Variants in C10orf105 observed in about 807,000 individuals in gnomAD.
C10orf105 encodes the protein uncharacterized protein C10orf105.
Under a neutral mutation model 0.6 loss-of-function variants are expected in C10orf105, and 2 were observed. The ratio of observed to expected loss-of-function variants is 3.18; its 90% CI spans 1.30 to 10.01. The LOEUF is 10.01. Ranked by LOEUF, C10orf105 falls within the 30% of genes most tolerant of loss-of-function variation. C10orf105 has a pLI of 0.04. For missense variants in C10orf105, 209 were observed against 191.4 expected, an observed-to-expected ratio of 1.09 and a Z score of -0.54; for synonymous variants, 95 against 82.4, an observed-to-expected ratio of 1.15 and a Z score of -0.83.
chr10:71,729,796 A>G (rs1839297502), intron 1 of C10orf105, among the ~76,000 whole-genome samples: 1 of 151,966 alleles, frequency 6.6e-6, no homozygotes, highest in Non-Finnish European at 1.5e-5. Context: ...TCTTCATAAC[A>G]ACCTTAGGAG....
chr10:71,713,460 C>A lies in C10orf105; in HGVS notation c.*2476G>T. On this transcript the variant is annotated 3_prime_UTR_variant, in exon 2 of 2. Transcript: ENST00000441508. ...GAGCCAAACAGGGAATCTGGGCCTG[C>A]CCACTGGGGCAGGCTCCCGGGCTTG... The A allele has an allele frequency of 1.7e-6, 1 of 585,278 alleles. No individual in the cohort carries two copies. The highest frequency in any genetic ancestry group is 3.0e-6 in the Non-Finnish European group (1 of 328,612). The allele number at this position is 585,278 out of a possible 1,614,324, so 36.3% of individuals were successfully genotyped here.
Position 71,732,135 on chromosome 10 carries a change from G to T in C10orf105, c.-6+5593C>A, listed in dbSNP as rs1839411355. The stretch of plus-strand genomic sequence containing the variant: ...TGATGAATGTGTCGGCCACTGACCA[G>T]GCCCCGCCCTTCAACCAGGGCTTCT... On this transcript the variant is annotated intron_variant, in intron 1 of 1. Transcript: ENST00000398786. 2 of 1,614,026 alleles carry T rather than the reference G, an allele frequency of 1.2e-6. No homozygotes were observed. Among genetic ancestry groups the T allele is most frequent in the Non-Finnish European group, 1.7e-6 (2 of 1,179,894 alleles).
chr10:71,722,659 G>A (rs1194487523), upstream of C10orf105, among the ~76,000 whole-genome samples: 4 of 152,224 alleles, frequency 2.6e-5, no homozygotes, highest in Non-Finnish European at 5.9e-5. Context: ...GGACATTGGA[G>A]TGGGGGCTAT....
At chr10:71,719,455 G>A (rs973092742) in intron 1 of C10orf105, among the ~76,000 whole-genome samples, 172 bp downstream of exon 1, 1 of 152,216 alleles carries the variant, frequency 6.6e-6, no homozygotes, top group Non-Finnish European at 1.5e-5. Context: ...GAAGACTGCT[G>A]TGTGGCCTCG....
At chr10:71,730,722 T>A (rs1839348579) in intron 1 of C10orf105, 3 of 1,443,718 alleles carry the variant, frequency 2.1e-6, no homozygotes, top group Non-Finnish European at 1.9e-6. Flanking sequence ...TTTAGCCATG[T>A]CTAGGCCAGG....
chr10:71,722,227 G>A (rs1362409225), upstream of C10orf105, among the ~76,000 whole-genome samples: 1 of 152,202 alleles, frequency 6.6e-6, no homozygotes, highest in Non-Finnish European at 1.5e-5. Context: ...GATTGCTTGA[G>A]CTCAGGAGTT....
chr10:71,713,254 C>A lies in C10orf105; in HGVS notation c.*2682G>T, dbSNP rs768426691. The A allele has an allele frequency of 1.3e-6, 1 of 779,338 alleles. No individual in the cohort carries two copies. 48.3% of individuals were successfully genotyped at this position (779,338 alleles called of 1,614,324 possible). On this transcript the variant is annotated 3_prime_UTR_variant, in exon 2 of 2. Transcript: ENST00000441508. ...AGTAAACAGGCACAAGAAGAAAGGG[C>A]TCCTTTGCCCAGGGAGCAGGCGCAA... is the stretch of plus-strand genomic sequence containing the variant.
chr10:71,737,765 G>T, exon 1 of C10orf105: 1 of 470,340 alleles, frequency 2.1e-6, no homozygotes. Context: ...GCCGTCCGTG[G>T]ACTGGAGGCC....
chr10:71,714,284 C>T lies in C10orf105; in HGVS notation c.*1652G>A, dbSNP rs561414832. ...TGCCAGCTTCCACCAAGACTCCTGC[C>T]TCAGAGGGTGGGGACACACCCAGGC... On this transcript the variant is annotated 3_prime_UTR_variant, in exon 2 of 2. Coordinates refer to ENST00000441508, the MANE Select transcript of C10orf105 (RefSeq NM_001164375.3). The T allele has an allele frequency of 9.2e-5, 14 of 152,230 alleles. No individual in the cohort carries two copies. The South Asian group carries it at 2.9e-3, about 32-fold the overall frequency. The allele number at this position is 152,230 out of a possible 1,614,324, so 9.4% of individuals were successfully genotyped here. A position where few individuals can be genotyped will look rare whatever the true frequency, so the allele number is the denominator to read the frequency against.
In C10orf105 at chr10:71,730,509, T is replaced by C. The variant is rs1839336950; in HGVS notation, c.-6+7219A>G. 2 of 1,613,930 alleles carry C rather than the reference T, an allele frequency of 1.2e-6. No individual in the cohort carries two copies. The highest frequency in any genetic ancestry group is 1.7e-6 in the Non-Finnish European group (2 of 1,179,882). On this transcript the variant is annotated intron_variant, in intron 1 of 1. Transcript: ENST00000398786. ...GAGGACATCAACGATGAGGCCCCCGTGTTCACACAGCAGCAGTACAGCCGT... is the reference window on the plus strand; with the variant it reads ...GAGGACATCAACGATGAGGCCCCCGCGTTCACACAGCAGCAGTACAGCCGT...
At position 71,725,614 on chromosome 10, in the gene C10orf105, C is replaced by G. The variant is rs1805533839; in HGVS notation, c.-5-9272G>C. ...GCCATTAGTTGGCGCCTGGTGTGGGCAGGGCCACCACTGATTTAGGTGCTG... is the reference window on the plus strand; with the variant it reads ...GCCATTAGTTGGCGCCTGGTGTGGGGAGGGCCACCACTGATTTAGGTGCTG... On this transcript the variant is annotated intron_variant, in intron 1 of 1. Coordinates refer to the C10orf105 transcript ENST00000398786. 3 of 1,392,938 alleles carry G rather than the reference C, an allele frequency of 2.2e-6. No homozygotes were observed. The East Asian group carries it at 7.5e-5, about 35-fold the overall frequency. 86.3% of individuals were successfully genotyped at this position (1,392,938 alleles called of 1,614,324 possible). A position where few individuals can be genotyped will look rare whatever the true frequency, so the allele number is the denominator to read the frequency against.
chr10:71,713,276 G>A lies in C10orf105; in HGVS notation c.*2660C>T, dbSNP rs756608032. ...GGGCTCCTTTGCCCAGGGAGCAGGC[G>A]CAACAGCTCCAAGGCTCAGAGGGAG... On this transcript the variant is annotated 3_prime_UTR_variant, in exon 2 of 2. Transcript: ENST00000441508. The A allele has an allele frequency of 1.2e-5, 9 of 779,322 alleles. No individual in the cohort carries two copies. The highest frequency in any genetic ancestry group is 2.4e-5 in the East Asian group (1 of 41,234). 48.3% of individuals were successfully genotyped at this position (779,322 alleles called of 1,614,324 possible).
At chr10:71,734,791 C>G in intron 1 of C10orf105, 4 of 534,302 alleles carry the variant, frequency 7.5e-6, no homozygotes, top group South Asian at 5.6e-5. Context: ...CAGGCCCCCT[C>G]CCAGTGCCTC....
intron 1 of C10orf105, chr10:71,732,607 C>G (rs1480419056): frequency 1.4e-6 from 2 of 1,389,940 alleles, no homozygotes; most frequent in East Asian, 5.1e-5. Context: ...CACTCCAGCC[C>G]GGGCAACAGA....
intron 1 of C10orf105, chr10:71,732,230 C>T (rs2132825518): frequency 6.2e-7 from 1 of 1,613,756 alleles, no homozygotes; most frequent in Non-Finnish European, 8.5e-7. Flanking sequence ...TCATACGAGG[C>T]TGCCATCCTG....
chr10:71,723,552 TG>T (rs1564758360), upstream of C10orf105, among the ~76,000 whole-genome samples: 1 of 152,330 alleles, frequency 6.6e-6, no homozygotes, highest in East Asian at 1.9e-4. Flanking sequence ...GGAGGGCTCC[TG>T]GGCTTCCACG....
chr10:71,713,081 C>G lies in C10orf105; in HGVS notation c.*2855G>C. 1.3e-6 allele frequency: 1 copy of G among 753,614 alleles called. No homozygotes were observed. Among genetic ancestry groups the G allele is most frequent in the South Asian group, 1.4e-5 (1 of 70,728 alleles). 46.7% of individuals were successfully genotyped at this position (753,614 alleles called of 1,614,324 possible). A position where few individuals can be genotyped will look rare whatever the true frequency, so the allele number is the denominator to read the frequency against. ...ACTTGGCCTCCCCCTGCATATCTCC[C>G]GCCCCACCCAGAAGGGCCTTTCAGA... On this transcript the variant is annotated 3_prime_UTR_variant, in exon 2 of 2. Transcript: ENST00000441508.
At chr10:71,737,771 A>C in exon 1 of C10orf105, 1 of 470,068 alleles carries the variant, frequency 2.1e-6, no homozygotes, top group Non-Finnish European at 4.4e-6. Context: ...CGTGGACTGG[A>C]GGCCTCACCC....
chr10:71,735,805 G>A (rs1839546881), intron 1 of C10orf105, among the ~76,000 whole-genome samples: 1 of 152,250 alleles, frequency 6.6e-6, no homozygotes, highest in African/African-American at 2.4e-5. Context: ...CAGCCTGGGG[G>A]TGAGTGAGGC....
Sources: gnomAD v4.1 joint callset for allele counts (sites outside exome capture counted in the v4.1 genomes callset) on GRCh38, gnomAD v4.1.1 for gene constraint, MANE v1.5 for transcripts, NCBI Gene and HGNC (gene_info 2026-07-23, HGNC 2026-07-21) for gene names.